The following MNAT1 variants were observed in gnomAD, a reference collection of about 807,000 sequenced individuals.
MNAT1 encodes the protein MNAT1 component of CDK activating kinase, also known as CDK-activating kinase assembly factor MAT1.
MNAT1 carries 43 observed loss-of-function variants against 42.0 expected under a neutral mutation model. The ratio of observed to expected loss-of-function variants is 1.02; its 90% CI spans 0.80 to 1.32. MNAT1 has a LOEUF of 1.32. Among genes scored for constraint, MNAT1 ranks in the 40% most tolerant of loss-of-function variants. MNAT1 has a pLI of 0.00. For synonymous variants in MNAT1, 118 were observed against 120.0 expected (o/e 0.98, Z 0.11); for missense variants, 306 against 350.4 (o/e 0.87, Z 1.01).
At chr14:60,815,623 A>G (rs893269840) in intron 5 of MNAT1, among the ~76,000 whole-genome samples, 1 of 152,184 alleles carries the variant, frequency 6.6e-6, no homozygotes, top group African/African-American at 2.4e-5. Context: ...TGAAACTACC[A>G]TTGTTGTACA....
At chr14:60,792,353 G>A (rs1206908043) in intron 1 of MNAT1, among the ~76,000 whole-genome samples, 1 of 152,026 alleles carries the variant, frequency 6.6e-6, no homozygotes, top group East Asian at 1.9e-4. Context: ...ATATTTTCTT[G>A]TATAGACAAG....
intron 1 of MNAT1, among the ~76,000 whole-genome samples, chr14:60,771,481 CA>C (rs1389898127): frequency 6.6e-6 from 1 of 152,210 alleles, no homozygotes; most frequent in Non-Finnish European, 1.5e-5. Flanking sequence ...TGCTTTCACA[CA>C]CAGTGGCCAA....
intron 7 of MNAT1, chr14:60,920,182 G>A (rs1476924490): frequency 6.6e-6 from 1 of 152,006 alleles, no homozygotes; most frequent in Non-Finnish European, 1.5e-5. Flanking sequence ...AGCACTGTGG[G>A]ACCAGCAGAG....
intron 7 of MNAT1, among the ~76,000 whole-genome samples, chr14:60,933,221 A>G (rs4151370): frequency 0.023 from 3,523 of 152,150 alleles, 154 homozygotes; most frequent in African/African-American, 0.081. Context: ...TTTTAGGTCT[A>G]TTGAGATTTT....
intron 1 of MNAT1, among the ~76,000 whole-genome samples, chr14:60,783,599 C>G (rs2031539280): frequency 1.3e-5 from 2 of 152,080 alleles, no homozygotes; most frequent in African/African-American, 4.8e-5. Flanking sequence ...CAGGTTCACG[C>G]CATTCTCCTG....
chr14:60,928,476 G>T (rs2035810108), intron 7 of MNAT1, among the ~76,000 whole-genome samples: 1 of 152,098 alleles, frequency 6.6e-6, no homozygotes, highest in Non-Finnish European at 1.5e-5. Flanking sequence ...ATTCCTACTG[G>T]CATGAGGGTT....
intron 6 of MNAT1, among the ~76,000 whole-genome samples, chr14:60,868,458 C>T (rs1555382435): frequency 6.6e-6 from 1 of 152,126 alleles, no homozygotes; most frequent in Non-Finnish European, 1.5e-5. Context: ...GTAACATATT[C>T]TGTAGAATTT....
intron 6 of MNAT1, among the ~76,000 whole-genome samples, chr14:60,878,987 A>G (rs539921918): frequency 3.5e-4 from 53 of 151,710 alleles, no homozygotes; most frequent in Non-Finnish European, 6.5e-4. Flanking sequence ...GGTGTTGCCT[A>G]TTGTTTCTGC....
At chr14:60,765,718 C>T (rs563164095) in intron 1 of MNAT1, among the ~76,000 whole-genome samples, 2 of 152,012 alleles carry the variant, frequency 1.3e-5, no homozygotes, top group African/African-American at 4.8e-5. Flanking sequence ...TTGATGATGG[C>T]TTCTATTTAT....
chr14:60,849,033 C>T lies in MNAT1; in HGVS notation c.687+30186C>T, dbSNP rs138653683. ...AGTGTTACTGTGAGCAATAGCCAGG[C>T]AACTGAAAGAAAGAAGGTGAGTGGG... On this transcript the variant is annotated intron_variant, in intron 6 of 7. Transcript: ENST00000261245. Among the ~76,000 whole-genome samples the T allele has an allele frequency of 2.1e-4, 32 of 151,944 alleles. No individual in the cohort carries two copies. The East Asian group carries it at 5.0e-3, about 24-fold the overall frequency.
Position 60,968,450 on chromosome 14 carries a change from T to C in MNAT1, c.*101T>C, listed in dbSNP as rs1177783206. 2 of 1,532,996 alleles carry C rather than the reference T, an allele frequency of 1.3e-6. No individual in the cohort carries two copies. The highest frequency in any genetic ancestry group is 1.7e-6 in the Non-Finnish European group (2 of 1,143,404). 95.0% of individuals were successfully genotyped at this position (1,532,996 alleles called of 1,614,324 possible). On this transcript the variant is annotated 3_prime_UTR_variant, in exon 8 of 8. Transcript: ENST00000261245. ...ATGTGCAGCTGCACAACACAGTCCT[T>C]CCACTAGCAGCTGTGTTAAAGTATT...
At chr14:60,762,281 C>T (rs1446316784) in intron 1 of MNAT1, among the ~76,000 whole-genome samples, 1 of 152,146 alleles carries the variant, frequency 6.6e-6, no homozygotes, top group Non-Finnish European at 1.5e-5. Context: ...GGGCAAGACT[C>T]AGCTTCATGA....
intron 6 of MNAT1, among the ~76,000 whole-genome samples, chr14:60,863,605 T>C (rs1018139155): frequency 1.3e-5 from 2 of 152,116 alleles, no homozygotes; most frequent in Non-Finnish European, 2.9e-5. Context: ...ATGAATTAAC[T>C]AATTAGTGAA....
chr14:60,949,969 G>T (rs1046834613), intron 7 of MNAT1, among the ~76,000 whole-genome samples: 2 of 152,098 alleles, frequency 1.3e-5, no homozygotes, highest in East Asian at 3.8e-4. Context: ...CTAGTCCTTT[G>T]ACTTAGATAT....
chr14:60,883,952 C>G (rs567329941), intron 7 of MNAT1, among the ~76,000 whole-genome samples: 5 of 151,850 alleles, frequency 3.3e-5, no homozygotes, highest in South Asian at 4.1e-4. Flanking sequence ...TTTATCAGTT[C>G]TAATAGTTTT....
chr14:60,859,832 GT>G (rs2139431668), intron 6 of MNAT1, among the ~76,000 whole-genome samples: 1 of 152,298 alleles, frequency 6.6e-6, no homozygotes, highest in African/African-American at 2.4e-5. Flanking sequence ...GTAGGTTTGA[GT>G]GGAGTGTTTT....
intron 7 of MNAT1, among the ~76,000 whole-genome samples, chr14:60,957,034 G>T (rs2036499130): frequency 6.6e-6 from 1 of 151,998 alleles, no homozygotes; most frequent in African/African-American, 2.4e-5. Context: ...TTTGTTAATG[G>T]TGTTGTAGTT....
rs186875959 is a variant in MNAT1, at chr14:60,914,311, C to T, written c.809+34476C>T. On this transcript the variant is annotated intron_variant, in intron 7 of 7. Coordinates refer to ENST00000261245, the MANE Select transcript of MNAT1 (RefSeq NM_002431.4). The stretch of plus-strand genomic sequence containing the variant: ...GCCTTGCCCTGCTTCGGCTCAAGCA[C>T]GGTGTACTGCACCCACTGTCCTGCA... Among the ~76,000 whole-genome samples, 71 of 152,326 alleles carry T rather than the reference C, an allele frequency of 4.7e-4. 1 individual carries two copies. Among genetic ancestry groups the T allele is most frequent in the African/African-American group, 1.3e-3 (56 of 41,590 alleles).
chr14:60,899,181 A>C (rs1192294991), intron 7 of MNAT1, among the ~76,000 whole-genome samples: 2 of 152,140 alleles, frequency 1.3e-5, no homozygotes, highest in African/African-American at 2.4e-5. Flanking sequence ...GGTAGCTACA[A>C]TGCTCTATCA....
Sources: gnomAD v4.1 joint callset for allele counts (sites outside exome capture counted in the v4.1 genomes callset) on GRCh38, gnomAD v4.1.1 for gene constraint, MANE v1.5 for transcripts, NCBI Gene and HGNC (gene_info 2026-07-23, HGNC 2026-07-21) for gene names.